ADARB2: variants seen among roughly 807,000 people sequenced by gnomAD.
ADARB2 encodes the protein adenosine deaminase RNA specific B2 (inactive), also known as inactive double-stranded RNA-specific editase B2.
A neutral mutation model predicts 62.2 loss-of-function variants in ADARB2; 25 were observed. The ratio of observed to expected loss-of-function variants is 0.40; its 90% confidence interval spans 0.29 to 0.56. The LOEUF (loss-of-function observed/expected upper bound fraction) is 0.56, where lower values mean the gene tolerates loss of function less well. ADARB2 is among the 20% of genes least tolerant of loss of function. ADARB2 has a pLI of 0.43. For synonymous variants in ADARB2, 572 were observed against 500.8 expected, an observed-to-expected ratio of 1.14 and a Z score of -1.90; for missense variants, 1,071 against 1,077.4, an observed-to-expected ratio of 0.99 and a Z score of 0.08.
At chr10:1,711,624 G>A (rs1367753375) in intron 1 of ADARB2, among the ~76,000 whole-genome samples, 4 of 152,200 alleles carry the variant, frequency 2.6e-5, no homozygotes, top group Non-Finnish European at 4.4e-5. Flanking sequence ...GTGATCTGAG[G>A]CAATTCCTCA....
At chr10:1,616,537 A>G in intron 1 of ADARB2, among the ~76,000 whole-genome samples, 1 of 131,580 alleles carries the variant, frequency 7.6e-6, no homozygotes, top group South Asian at 2.7e-4. Flanking sequence ...TTCTGTCGCT[A>G]GATGTTTGTG....
intron 1 of ADARB2, among the ~76,000 whole-genome samples, chr10:1,544,956 T>TATACACACACACACACAAACAC (rs10526252): frequency 7.5e-6 from 1 of 133,848 alleles, no homozygotes; most frequent in Non-Finnish European, 1.6e-5. Flanking sequence ...TAGCAAAGTA[T>TATACACACACACACACAAACAC]ACACACACAC....
chr10:1,367,002 C>T (rs1026815683), intron 2 of ADARB2, among the ~76,000 whole-genome samples: 1 of 152,208 alleles, frequency 6.6e-6, no homozygotes. Context: ...GCCATGTGGC[C>T]CGAAAGTCAA....
At chr10:1,248,595 C>T (rs1286092576) in intron 4 of ADARB2, among the ~76,000 whole-genome samples, 2 of 152,156 alleles carry the variant, frequency 1.3e-5, no homozygotes, top group East Asian at 3.9e-4. Flanking sequence ...GATCAGGAAG[C>T]CCAGGATGGG....
At chr10:1,229,862 G>GTGCA (rs1554746182) in intron 6 of ADARB2, among the ~76,000 whole-genome samples, 2 of 151,488 alleles carry the variant, frequency 1.3e-5, no homozygotes, top group Non-Finnish European at 2.9e-5. Context: ...GTGTGTGTGT[G>GTGCA]TGTGTGGGTA....
At chr10:1,673,211 T>C (rs1032786273) in intron 1 of ADARB2, among the ~76,000 whole-genome samples, 1 of 152,188 alleles carries the variant, frequency 6.6e-6, no homozygotes, top group African/African-American at 2.4e-5. Flanking sequence ...ACATGAATTT[T>C]ATTATAATAA....
At position 1,340,150 on chromosome 10, in the gene ADARB2, G is replaced by C. The variant is rs898056829; in HGVS notation, c.1077+22878C>G. ...ACGCGCCCCACAGTGGCAATAACCA[G>C]CATCCACCAGAGAACCACACACCCC... On this transcript the variant is annotated intron_variant, in intron 3 of 9. Transcript: ENST00000381312. Among the ~76,000 whole-genome samples the C allele has an allele frequency of 4.0e-5, 6 of 149,598 alleles. No individual in the cohort carries two copies. In the South Asian group the frequency reaches 1.3e-3, roughly 32 times the overall value.
chr10:1,216,554 A>G (rs563803151), intron 7 of ADARB2: 62 of 220,416 alleles, frequency 2.8e-4, no homozygotes, highest in African/African-American at 1.3e-3. Flanking sequence ...GTCCCTGGAC[A>G]TTAGTCAGGT....
chr10:1,596,621 C>T (rs1025929927), intron 1 of ADARB2, among the ~76,000 whole-genome samples: 7 of 152,108 alleles, frequency 4.6e-5, no homozygotes, highest in Non-Finnish European at 1.0e-4. Context: ...GGGGAGGTGC[C>T]GAGGATGGAC....
chr10:1,217,303 C>A (rs11250341), intron 6 of ADARB2, among the ~76,000 whole-genome samples, 184 bp from the exon 7 acceptor site: 1 of 152,040 alleles, frequency 6.6e-6, no homozygotes, highest in African/African-American at 2.4e-5. Context: ...CACACCATCC[C>A]GCCTGGGCCG....
At chr10:1,670,209 G>A (rs1228961860) in intron 1 of ADARB2, among the ~76,000 whole-genome samples, 4 of 152,186 alleles carry the variant, frequency 2.6e-5, no homozygotes, top group Non-Finnish European at 5.9e-5. Flanking sequence ...CAATATGTTT[G>A]CGTATAATTT....
At chr10:1,214,500 G>A (rs1313806726) in intron 7 of ADARB2, among the ~76,000 whole-genome samples, 2 of 145,672 alleles carry the variant, frequency 1.4e-5, no homozygotes, top group African/African-American at 2.6e-5. Flanking sequence ...CTGGCGTTGT[G>A]TAGGTTTGCA....
intron 1 of ADARB2, among the ~76,000 whole-genome samples, chr10:1,514,756 C>T (rs917468790): frequency 3.3e-5 from 5 of 152,168 alleles, no homozygotes; most frequent in African/African-American, 1.2e-4. Context: ...CCAGGACACT[C>T]AAATGTGGGT....
chr10:1,234,729 A>AC (rs1351789521), intron 5 of ADARB2, among the ~76,000 whole-genome samples: 6 of 132,644 alleles, frequency 4.5e-5, no homozygotes, highest in Non-Finnish European at 1.6e-5. Flanking sequence ...GGTGCGAGCG[A>AC]CCATGATCTT....
chr10:1,335,558 G>C (rs942035558), intron 3 of ADARB2, among the ~76,000 whole-genome samples: 5 of 151,870 alleles, frequency 3.3e-5, no homozygotes, highest in Non-Finnish European at 5.9e-5. Context: ...TGGAGAGAGG[G>C]GTGGAAAGAT....
Position 1,699,235 on chromosome 10 carries a change from C to A in ADARB2, c.100+37816G>T, listed in dbSNP as rs10794787. Among the ~76,000 whole-genome samples, 36 of 74,564 alleles carry A rather than the reference C, an allele frequency of 4.8e-4. 10 individuals are homozygous for A. Among genetic ancestry groups the A allele is most frequent in the East Asian group, 3.0e-3 (8 of 2,652 alleles). 48.9% of individuals were successfully genotyped at this position (74,564 alleles called of 152,430 possible). ...CCACTCTACCAGGAGACCAGGCGCT[C>A]GCCAATACACTCAATCCCACTCCAC... On this transcript the variant is annotated intron_variant, in intron 1 of 9. Transcript: ENST00000381312.
chr10:1,721,147 T>A (rs10903551), intron 1 of ADARB2, among the ~76,000 whole-genome samples: 1 of 151,960 alleles, frequency 6.6e-6, no homozygotes, highest in African/African-American at 2.4e-5. Context: ...TTCCTCTGCT[T>A]GAGGGGATGT....
At chr10:1,575,220 G>A (rs1171008321) in intron 1 of ADARB2, among the ~76,000 whole-genome samples, 1 of 149,930 alleles carries the variant, frequency 6.7e-6, no homozygotes, top group African/African-American at 2.5e-5. Flanking sequence ...TTTATGAACA[G>A]AGCAATTCTA....
At chr10:1,407,074 C>A (rs1259823999) in intron 1 of ADARB2, among the ~76,000 whole-genome samples, 1 of 152,220 alleles carries the variant, frequency 6.6e-6, no homozygotes, top group African/African-American at 2.4e-5. Context: ...ATTTTTACGA[C>A]CTTGCATTAA....
Sources: allele counts gnomAD v4.1 joint callset (sites outside exome capture counted in the v4.1 genomes callset), GRCh38; gene constraint gnomAD v4.1.1; transcripts MANE v1.5; gene names NCBI Gene and HGNC (gene_info 2026-07-23, HGNC 2026-07-21).